Variants in ZFR observed in about 807,000 individuals in gnomAD.
ZFR encodes zinc finger RNA binding protein, also known as zinc finger RNA-binding protein.
In ZFR, 19 loss-of-function variants were observed where a neutral mutation model predicts 130.7. That is an observed-to-expected ratio of 0.15 (90% CI 0.10 to 0.21). The LOEUF is 0.21. Among genes scored for constraint, ZFR ranks in the 10% least tolerant of loss-of-function variants. The pLI is 1.00. For synonymous variants in ZFR, 466 were observed against 456.9 expected (o/e 1.02, Z -0.25); for missense variants, 872 against 1,321.5 (o/e 0.66, Z 5.27).
chr5:32,417,271 G>C (rs1326350436), intron 4 of ZFR, among the ~76,000 whole-genome samples: 1 of 152,116 alleles, frequency 6.6e-6, no homozygotes, highest in African/African-American at 2.4e-5. Flanking sequence ...ATCAGAGAAA[G>C]ATTAATTAAA....
intron 2 of ZFR, among the ~76,000 whole-genome samples, chr5:32,438,678 T>C (rs1027921245): frequency 6.6e-6 from 1 of 152,210 alleles, no homozygotes; most frequent in African/African-American, 2.4e-5. Context: ...CTTTCTCTAT[T>C]AGTAATGAGG....
intron 4 of ZFR, among the ~76,000 whole-genome samples, chr5:32,415,513 T>C (rs74341424): frequency 0.039 from 3,571 of 92,144 alleles, 37 homozygotes; most frequent in Middle Eastern, 0.054. Flanking sequence ...TGTGTGTGTG[T>C]GTGCGCGCGC....
At chr5:32,429,609 T>G (rs1754157526) in intron 2 of ZFR, among the ~76,000 whole-genome samples, 1 of 152,184 alleles carries the variant, frequency 6.6e-6, no homozygotes, top group South Asian at 2.1e-4. Context: ...ACCAGAAGTT[T>G]CCGATTTTGG....
chr5:32,438,285 C>A (rs1309957551), intron 2 of ZFR, among the ~76,000 whole-genome samples: 2 of 47,986 alleles, frequency 4.2e-5, no homozygotes, highest in Non-Finnish European at 8.6e-5. Flanking sequence ...TTTTTTGAGA[C>A]GGAGTTTCAC....
At chr5:32,432,275 A>T (rs1273952953) in intron 2 of ZFR, among the ~76,000 whole-genome samples, 1 of 152,160 alleles carries the variant, frequency 6.6e-6, no homozygotes, top group East Asian at 1.9e-4. Flanking sequence ...TTGTATTTAG[A>T]GAACACAGTC....
intron 6 of ZFR, 87 bp downstream of exon 6, chr5:32,406,687 A>C: frequency 6.9e-7 from 1 of 1,455,526 alleles, no homozygotes; most frequent in Non-Finnish European, 9.1e-7. Context: ...AAAAAATGTA[A>C]ACCTCTTTTA....
chr5:32,430,079 CAAA>C (rs56163955), intron 2 of ZFR, among the ~76,000 whole-genome samples: 12 of 70,292 alleles, frequency 1.7e-4, no homozygotes, highest in East Asian at 9.1e-4. Context: ...GACCCTATTT[CAAA>C]AAAAAAAAAA....
chr5:32,433,093 T>C (rs990590903), intron 2 of ZFR, among the ~76,000 whole-genome samples: 11 of 152,134 alleles, frequency 7.2e-5, no homozygotes, highest in African/African-American at 2.4e-4. Context: ...ACCAACTCAC[T>C]AGAATGGTGT....
At chr5:32,433,710 ATAT>A (rs1169936367) in intron 2 of ZFR, among the ~76,000 whole-genome samples, 1 of 152,214 alleles carries the variant, frequency 6.6e-6, no homozygotes, top group African/African-American at 2.4e-5. Flanking sequence ...AATCACTTTT[ATAT>A]AAAGCATCTG....
At chr5:32,429,650 A>G (rs1754158661) in intron 2 of ZFR, among the ~76,000 whole-genome samples, 1 of 152,214 alleles carries the variant, frequency 6.6e-6, no homozygotes, top group Non-Finnish European at 1.5e-5. Context: ...CTGTTGAGCA[A>G]GCCTAACCCG....
At chr5:32,400,894 A>C (rs1561893128) in intron 8 of ZFR, among the ~76,000 whole-genome samples, 1 of 152,196 alleles carries the variant, frequency 6.6e-6, no homozygotes, top group Non-Finnish European at 1.5e-5. Context: ...AATTTAGAAA[A>C]ATTAAAAAAA....
At position 32,417,693 on chromosome 5, in the gene ZFR, C is replaced by A. The variant is rs772512994; in HGVS notation, c.520G>T (p.Ala174Ser). The change falls in exon 4 of 20, where the codon GCT becomes TCT. Residue 174 changes from alanine (A) to serine (S), a missense_variant. Physicochemically the swap from Ala to Ser is moderately conservative, Grantham distance 99. Around this residue, in one of 7 missense-constraint regions of ZFR, gnomAD observed 240 missense variants for 441.2 expected, o/e 0.54. Transcript: ENST00000265069. ...PTATAAAVAA[A>S]AQPQPSVAET... is the part of the protein sequence containing the mutation. ...GCAACAGAAGGCTGAGGTTGGGCAG[C>A]GGCAGCTACAGCAGCAGCAGTTGCT... 1.2e-6 allele frequency: 2 copies of A among 1,613,724 alleles called. No individual in the cohort carries two copies. The highest frequency in any genetic ancestry group is 1.7e-5 in the Admixed American group (1 of 59,996).
At position 32,436,969 on chromosome 5, in the gene ZFR, T is replaced by TA. The variant is rs938741665; in HGVS notation, c.137+7259dup. Among the ~76,000 whole-genome samples the TA allele has an allele frequency of 7.2e-5, 11 of 152,286 alleles. No individual in the cohort carries two copies. The South Asian group carries it at 2.1e-3, about 29-fold the overall frequency. On this transcript the variant is annotated intron_variant, in intron 2 of 19. Transcript: ENST00000265069. The stretch of plus-strand genomic sequence containing the variant: ...GAAAATATTATCTTCAATTTATAGA[T>TA]AAAAAAACTAACAACAGACTGTTTG...
intron 6 of ZFR, among the ~76,000 whole-genome samples, chr5:32,405,220 T>C (rs758290423): frequency 1.2e-4 from 18 of 152,172 alleles, no homozygotes; most frequent in Non-Finnish European, 2.2e-4. Context: ...AGTCCTGTTA[T>C]AGAAAAGTGA....
intron 19 of ZFR, among the ~76,000 whole-genome samples, chr5:32,356,575 G>C (rs1274652630): frequency 6.6e-6 from 1 of 151,690 alleles, no homozygotes; most frequent in East Asian, 1.9e-4. Context: ...ACCACGCCTG[G>C]CTAATTTTTT....
At chr5:32,391,330 A>T (rs1753170000) in intron 11 of ZFR, among the ~76,000 whole-genome samples, 1 of 152,002 alleles carries the variant, frequency 6.6e-6, no homozygotes, top group Non-Finnish European at 1.5e-5. Flanking sequence ...TTGTAACGTA[A>T]CCCCCTTGGA....
intron 2 of ZFR, among the ~76,000 whole-genome samples, chr5:32,442,414 AC>A (rs1335932581): frequency 2.0e-5 from 3 of 152,220 alleles, no homozygotes; most frequent in Admixed American, 1.3e-4. Context: ...AACCACTTGT[AC>A]CCCAAAAAGC....
intron 17 of ZFR, among the ~76,000 whole-genome samples, chr5:32,375,363 A>G (rs1351362172): frequency 6.6e-6 from 1 of 152,252 alleles, no homozygotes; most frequent in Non-Finnish European, 1.5e-5. Flanking sequence ...CAGTTTATAG[A>G]CCAGAAACAT....
intron 17 of ZFR, among the ~76,000 whole-genome samples, chr5:32,366,854 G>GT (rs1346264208): frequency 1.3e-5 from 2 of 150,730 alleles, no homozygotes; most frequent in Non-Finnish European, 3.0e-5. Flanking sequence ...ATCAAGGATT[G>GT]TAATATTTGC....
Sources: gnomAD v4.1 joint callset for allele counts (sites outside exome capture counted in the v4.1 genomes callset) on GRCh38, gnomAD v4.1.1 for gene constraint, gnomAD v4.1.1 regional missense constraint, MANE v1.5 for transcripts, NCBI Gene and HGNC (gene_info 2026-07-23, HGNC 2026-07-21) for gene names.